Variants in OR5B2 observed in about 807,000 individuals in gnomAD.
OR5B2 encodes the protein olfactory receptor 5B2.
For synonymous variants in OR5B2, 163 were observed against 140.8 expected, an observed-to-expected ratio of 1.16 and a Z score of -1.11; for missense variants, 411 against 367.0, an observed-to-expected ratio of 1.12 and a Z score of -0.98.
chr11:58,427,475 CACTT>C (rs888080727), intron 1 of OR5B2, among the ~76,000 whole-genome samples: 1 of 152,248 alleles, frequency 6.6e-6, no homozygotes, highest in Non-Finnish European at 1.5e-5. Context: ...GTTGTATAAA[CACTT>C]ACGCACTTCA....
rs945956700 is a variant in OR5B2 at position 58,421,630 on chromosome 11, A to T, written c.*702T>A. On this transcript the variant is annotated 3_prime_UTR_variant, in exon 3 of 3. Coordinates refer to ENST00000641342, the MANE Select transcript of OR5B2 (RefSeq NM_001005566.3). The stretch of plus-strand genomic sequence containing the variant: ...TAGATGTCATTATACATTTATTCAA[A>T]TCCATAGAAGGGACAACAGCAAGAG... The T allele has an allele frequency of 6.6e-6, 1 of 152,130 alleles. No homozygotes were observed. The highest frequency in any genetic ancestry group is 1.5e-5 in the Non-Finnish European group (1 of 68,010). 9.4% of individuals were successfully genotyped at this position (152,130 alleles called of 1,614,324 possible).
intron 2 of OR5B2, among the ~76,000 whole-genome samples, chr11:58,426,240 A>T (rs927637256): frequency 4.0e-5 from 6 of 151,844 alleles, no homozygotes; most frequent in African/African-American, 1.5e-4. Flanking sequence ...AATTTGCATC[A>T]TGGGGGTTTG....
chr11:58,423,730 G>A (rs11229438), intron 2 of OR5B2, among the ~76,000 whole-genome samples: 24,518 of 152,050 alleles, frequency 0.16, 2,256 homozygotes, highest in Middle Eastern at 0.21. Flanking sequence ...TAATTTGTGA[G>A]GCTCACAAGA....
Position 58,422,091 on chromosome 11 carries a change from TAGTAAGTTTTGACC to T in OR5B2, c.*227_*240del, listed in dbSNP as rs1227214176. On this transcript the variant is annotated 3_prime_UTR_variant, in exon 3 of 3. Transcript: ENST00000641342. ...AACAAGTGAGTAAACCGAATGTCAT[TAGTAAGTTTTGACC>T]AGCAAGTTCCAAAAATTCTAACATT... 1.4e-5 allele frequency: 5 copies of T among 363,770 alleles called. No homozygotes were observed. Among genetic ancestry groups the T allele is most frequent in the African/African-American group, 4.2e-5 (2 of 48,118 alleles). 22.5% of individuals were successfully genotyped at this position (363,770 alleles called of 1,614,324 possible). A position where few individuals can be genotyped will look rare whatever the true frequency, so the allele number is the denominator to read the frequency against.
Position 58,422,246 on chromosome 11 carries a change from G to A in OR5B2, c.*86C>T. On this transcript the variant is annotated 3_prime_UTR_variant, in exon 3 of 3. Coordinates refer to ENST00000641342, the MANE Select transcript of OR5B2 (RefSeq NM_001005566.3). ...CTCATGAACTTAAATGTATTGTGGGGTTTCAAATGTAACTCATTGCATGAG... is the reference window on the plus strand; with the variant it reads ...CTCATGAACTTAAATGTATTGTGGGATTTCAAATGTAACTCATTGCATGAG... 1 of 756,632 alleles carries A rather than the reference G, an allele frequency of 1.3e-6. No individual in the cohort carries two copies. The highest frequency in any genetic ancestry group is 2.2e-6 in the Non-Finnish European group (1 of 448,254). The allele number at this position is 756,632 out of a possible 1,614,324, so 46.9% of individuals were successfully genotyped here. A position where few individuals can be genotyped will look rare whatever the true frequency, so the allele number is the denominator to read the frequency against.
rs1855269505 is a variant in OR5B2, at chr11:58,421,335, A to G, written c.*997T>C. ...ATAAAGTGTGATACCACTTGACAAT[A>G]GACAATATTCAGTGCTAAAATGAAA... is the stretch of plus-strand genomic sequence containing the variant. On this transcript the variant is annotated 3_prime_UTR_variant, in exon 3 of 3. Transcript: ENST00000641342. The G allele has an allele frequency of 6.6e-6, 1 of 152,132 alleles. No individual in the cohort carries two copies. Among genetic ancestry groups the G allele is most frequent in the South Asian group, 2.1e-4 (1 of 4,826 alleles). The allele number at this position is 152,132 out of a possible 1,614,324, so 9.4% of individuals were successfully genotyped here.
intron 2 of OR5B2, among the ~76,000 whole-genome samples, chr11:58,424,986 C>G (rs1244006018): frequency 6.6e-6 from 1 of 152,014 alleles, no homozygotes; most frequent in African/African-American, 2.4e-5. Context: ...GTATGGAGAA[C>G]AGTCAAGATT....
In OR5B2 at chr11:58,425,474, T is replaced by C. The variant is rs541919558; in HGVS notation, c.-29+1148A>G. Among the ~76,000 whole-genome samples the C allele has an allele frequency of 2.6e-5, 4 of 152,174 alleles. No homozygotes were observed. In the South Asian group the frequency reaches 6.2e-4, roughly 24 times the overall value. On this transcript the variant is annotated intron_variant, in intron 2 of 2. Transcript: ENST00000641342. ...TTTTACTAAATGTATATATGGAACATAGAAGTTTACCTTGTGCCTGGAAAA... is the reference window on the plus strand; with the variant it reads ...TTTTACTAAATGTATATATGGAACACAGAAGTTTACCTTGTGCCTGGAAAA...
intron 1 of OR5B2, among the ~76,000 whole-genome samples, chr11:58,427,141 T>C (rs1986404): frequency 0.18 from 27,923 of 152,014 alleles, 2,727 homozygotes; most frequent in Middle Eastern, 0.3. Flanking sequence ...AATTGAGGAA[T>C]TTGAACGTAC....
chr11:58,426,570 A>G (rs1171971115), intron 2 of OR5B2, 52 bp downstream of exon 2: 1 of 152,172 alleles, frequency 6.6e-6, no homozygotes, highest in Non-Finnish European at 1.5e-5. Context: ...TATATAACAC[A>G]TATTCTATTA....
chr11:58,423,946 C>T (rs1249609038), intron 2 of OR5B2, among the ~76,000 whole-genome samples: 1 of 152,096 alleles, frequency 6.6e-6, no homozygotes, highest in East Asian at 1.9e-4. Context: ...CATTAAGGGT[C>T]TCAGGATAGC....
chr11:58,425,885 T>C (rs906249652), intron 2 of OR5B2, among the ~76,000 whole-genome samples: 2 of 152,156 alleles, frequency 1.3e-5, no homozygotes, highest in African/African-American at 4.8e-5. Context: ...TCATACATTA[T>C]GGGTCACAAT....
intron 2 of OR5B2, among the ~76,000 whole-genome samples, chr11:58,423,617 A>G (rs1484471978): frequency 1.3e-5 from 2 of 152,178 alleles, no homozygotes; most frequent in Non-Finnish European, 2.9e-5. Context: ...GGTAAAACTT[A>G]TACATTTATG....
chr11:58,424,509 A>C (rs1855316425), intron 2 of OR5B2, among the ~76,000 whole-genome samples: 1 of 152,076 alleles, frequency 6.6e-6, no homozygotes, highest in Non-Finnish European at 1.5e-5. Flanking sequence ...TTGGTTTCGC[A>C]GCATCTCCTT....
At chr11:58,427,498 A>G (rs1855351672) in intron 1 of OR5B2, among the ~76,000 whole-genome samples, 1 of 152,194 alleles carries the variant, frequency 6.6e-6, no homozygotes, top group South Asian at 2.1e-4. Context: ...CAGTTCTCTC[A>G]TTAATAAAAC....
At chr11:58,424,154 G>A (rs1174324444) in intron 2 of OR5B2, among the ~76,000 whole-genome samples, 2 of 152,064 alleles carry the variant, frequency 1.3e-5, no homozygotes, top group Non-Finnish European at 2.9e-5. Context: ...CAACCTCAAG[G>A]CATTATTTTG....
At chr11:58,427,659 C>T (rs1422786327) in intron 1 of OR5B2, among the ~76,000 whole-genome samples, 1 of 152,086 alleles carries the variant, frequency 6.6e-6, no homozygotes, top group Admixed American at 6.6e-5. Flanking sequence ...TGAAAGAAAA[C>T]TTTGTATACT....
intron 2 of OR5B2, among the ~76,000 whole-genome samples, chr11:58,424,840 C>T (rs1855319706): frequency 6.6e-6 from 1 of 152,066 alleles, no homozygotes; most frequent in Non-Finnish European, 1.5e-5. Context: ...TGTTCTACAA[C>T]AGATGTTAAG....
rs1565156528 is a variant in OR5B2, at chr11:58,421,897, C to CA, written c.*434dup. 1 of 154,704 alleles carries CA rather than the reference C, an allele frequency of 6.5e-6. No individual in the cohort carries two copies. Among genetic ancestry groups the CA allele is most frequent in the Non-Finnish European group, 1.4e-5 (1 of 69,658 alleles). 9.6% of individuals were successfully genotyped at this position (154,704 alleles called of 1,614,324 possible). On this transcript the variant is annotated 3_prime_UTR_variant, in exon 3 of 3. Coordinates refer to ENST00000641342, the MANE Select transcript of OR5B2 (RefSeq NM_001005566.3). ...ACTATAATACTAAATTAATTACTTACATCCTTTATATAAAAACTAGCCACA... is the reference window on the plus strand; with the variant it reads ...ACTATAATACTAAATTAATTACTTACAATCCTTTATATAAAAACTAGCCACA...
Sources: allele counts gnomAD v4.1 joint callset (sites outside exome capture counted in the v4.1 genomes callset), GRCh38; gene constraint gnomAD v4.1.1; transcripts MANE v1.5; gene names NCBI Gene and HGNC (gene_info 2026-07-23, HGNC 2026-07-21).